The following MEGF11 variants were observed in gnomAD, a reference collection of about 807,000 sequenced individuals.
MEGF11 encodes the protein multiple epidermal growth factor-like domains protein 11.
Under a neutral mutation model 146.6 loss-of-function variants are expected in MEGF11, and 126 were observed. That is an observed-to-expected ratio of 0.86 (90% confidence interval 0.74 to 1.00). The LOEUF (loss-of-function observed/expected upper bound fraction) is 1.00, where lower values mean the gene tolerates loss of function less well. MEGF11 is among the 50% of genes least tolerant of loss of function. The probability of loss-of-function intolerance (pLI) is 0.00; values close to 1 mark genes in which losing one functional copy is unlikely to be tolerated. For synonymous variants in MEGF11, 532 were observed against 583.4 expected, an observed-to-expected ratio of 0.91 and a Z score of 1.27; for missense variants, 1,509 against 1,521.2, an observed-to-expected ratio of 0.99 and a Z score of 0.13.
chr15:65,932,820 C>T (rs969661028), intron 10 of MEGF11, among the ~76,000 whole-genome samples: 3 of 152,004 alleles, frequency 2.0e-5, no homozygotes, highest in Admixed American at 6.6e-5. Context: ...CTCCAGCCAG[C>T]GTCTCAGGCC....
At chr15:66,066,799 A>G (rs2085147345) in intron 5 of MEGF11, among the ~76,000 whole-genome samples, 1 of 152,242 alleles carries the variant, frequency 6.6e-6, no homozygotes, top group East Asian at 1.9e-4. Flanking sequence ...AAGCCCCACA[A>G]AAACAAACCA....
At chr15:66,202,147 TACAC>T (rs201173244) in intron 1 of MEGF11, among the ~76,000 whole-genome samples, 4 of 135,554 alleles carry the variant, frequency 3.0e-5, no homozygotes, top group Middle Eastern at 3.7e-3. Flanking sequence ...ACACAAGTGA[TACAC>T]ACACACATAC....
chr15:65,913,478 A>G, intron 20 of MEGF11: 1 of 575,640 alleles, frequency 1.7e-6, no homozygotes. Context: ...AAGGCTGGTG[A>G]GAAGGATAGG....
At chr15:66,110,192 C>T (rs2087318705) in intron 4 of MEGF11, among the ~76,000 whole-genome samples, 1 of 152,204 alleles carries the variant, frequency 6.6e-6, no homozygotes, top group South Asian at 2.1e-4. Flanking sequence ...GGTGCCCAGA[C>T]CATGAATTCA....
rs531527744 is a variant in MEGF11 at position 65,913,759 on chromosome 15, G to A, written c.2688C>T (p.Thr896=). The A allele has an allele frequency of 1.2e-6, 2 of 1,613,146 alleles. No individual in the cohort carries two copies. The highest frequency in any genetic ancestry group is 2.2e-5 in the South Asian group (2 of 90,892). Reference sequence around the variant, plus strand: ...TACCTGAGAGGGAGTAGTCGGTGCTGGTCATCCTCATGGCAGGTGTGTAGG... The same window carrying A: ...TACCTGAGAGGGAGTAGTCGGTGCTAGTCATCCTCATGGCAGGTGTGTAGG... ...RVSYTPAMRM[T]STDYSLSDLS... Residue 896 remains threonine, a synonymous_variant, in exon 20 of 26, where the codon ACC becomes ACT. Transcript: ENST00000395614.
intron 1 of MEGF11, among the ~76,000 whole-genome samples, chr15:66,218,710 G>C (rs1034796176): frequency 7.2e-5 from 11 of 152,012 alleles, no homozygotes. Context: ...GGGAAGCCAG[G>C]GCCTGTTTTG....
At chr15:66,155,249 G>A (rs574290935) in intron 1 of MEGF11, among the ~76,000 whole-genome samples, 4 of 139,168 alleles carry the variant, frequency 2.9e-5, no homozygotes, top group African/African-American at 1.3e-4. Context: ...GACACACATG[G>A]TGATGCCCCC....
rs1047529056 is a variant in MEGF11 at position 66,178,171 on chromosome 15, C to T, written c.-8-49760G>A. Among the ~76,000 whole-genome samples the T allele has an allele frequency of 5.9e-5, 9 of 151,672 alleles. No individual in the cohort carries two copies. In the East Asian group the frequency reaches 1.4e-3, roughly 23 times the overall value. On this transcript the variant is annotated intron_variant, in intron 1 of 25. Transcript: ENST00000395614. ...CTGCTAATTTTTAATTTTTTGTAGA[C>T]GAGGGAATCTCACGATGTTTCCCTG... is the stretch of plus-strand genomic sequence containing the variant.
chr15:66,032,532 C>A (rs1247129216), intron 5 of MEGF11, among the ~76,000 whole-genome samples: 2 of 152,108 alleles, frequency 1.3e-5, no homozygotes, highest in Admixed American at 6.5e-5. Context: ...ATGGTTGTGA[C>A]CAGAATGTTG....
chr15:66,039,328 A>G (rs115804356), intron 5 of MEGF11, among the ~76,000 whole-genome samples: 4 of 152,348 alleles, frequency 2.6e-5, no homozygotes, highest in African/African-American at 9.6e-5. Flanking sequence ...TGCTCAGAGC[A>G]GGTCCTGACA....
intron 1 of MEGF11, among the ~76,000 whole-genome samples, chr15:66,205,031 C>T (rs1188855494): frequency 2.8e-5 from 4 of 142,764 alleles, no homozygotes; most frequent in Admixed American, 2.2e-4. Flanking sequence ...GAGCTAAAGA[C>T]ACTAGGAACC....
intron 1 of MEGF11, among the ~76,000 whole-genome samples, chr15:66,239,799 C>T (rs2092172237): frequency 6.6e-6 from 1 of 152,214 alleles, no homozygotes; most frequent in Non-Finnish European, 1.5e-5. Context: ...GATTGGGCTT[C>T]TCCAGAGGCT....
At chr15:65,917,924 C>T in intron 16 of MEGF11, 42 bp downstream of exon 16, 5 of 1,612,096 alleles carry the variant, frequency 3.1e-6, no homozygotes, top group Non-Finnish European at 4.2e-6. Context: ...AATTTTTGGG[C>T]CTGACCCCAG....
chr15:66,204,809 G>A (rs1463827225), intron 1 of MEGF11, among the ~76,000 whole-genome samples: 8 of 152,126 alleles, frequency 5.3e-5, no homozygotes, highest in Admixed American at 5.2e-4. Context: ...CTTCCAGAGA[G>A]ATAAAGTAAG....
intron 4 of MEGF11, among the ~76,000 whole-genome samples, chr15:66,097,106 C>T (rs201391420): frequency 6.6e-6 from 1 of 152,216 alleles, no homozygotes; most frequent in South Asian, 2.1e-4. Flanking sequence ...CTTTCCTCAT[C>T]GTCCTGGTAT....
intron 10 of MEGF11, among the ~76,000 whole-genome samples, chr15:65,940,035 C>T (rs1482339073): frequency 1.3e-5 from 2 of 152,106 alleles, no homozygotes; most frequent in African/African-American, 2.4e-5. Flanking sequence ...TGTGCGAGGT[C>T]AGGGGATACA....
intron 1 of MEGF11, among the ~76,000 whole-genome samples, chr15:66,212,338 C>T (rs966872734): frequency 6.6e-6 from 1 of 152,154 alleles, no homozygotes; most frequent in South Asian, 2.1e-4. Flanking sequence ...TTGGCACCCA[C>T]CTATCATCTC....
chr15:66,215,338 C>A (rs528876212), intron 1 of MEGF11, among the ~76,000 whole-genome samples: 6 of 152,222 alleles, frequency 3.9e-5, no homozygotes, highest in Admixed American at 2.0e-4. Flanking sequence ...TGGAAATGCC[C>A]CCAGAGGGAC....
intron 5 of MEGF11, among the ~76,000 whole-genome samples, chr15:65,996,548 C>T (rs532768553): frequency 6.7e-4 from 102 of 151,326 alleles, no homozygotes; most frequent in African/African-American, 2.4e-3. Flanking sequence ...TGCAGTGGTG[C>T]GATCTTGACT....
Sources: allele counts gnomAD v4.1 joint callset (sites outside exome capture counted in the v4.1 genomes callset), GRCh38; gene constraint gnomAD v4.1.1; transcripts MANE v1.5; gene names NCBI Gene and HGNC (gene_info 2026-07-23, HGNC 2026-07-21).